HCFC2: variants seen among roughly 807,000 people sequenced by gnomAD.
HCFC2 encodes the protein host cell factor 2.
HCFC2 carries 18 observed loss-of-function variants against 89.2 expected under a neutral mutation model. That is an observed-to-expected ratio of 0.20 (90% CI 0.14 to 0.30). The LOEUF is 0.30. Among genes scored for constraint, HCFC2 ranks in the 10% least tolerant of loss-of-function variants. HCFC2 has a pLI of 1.00. For missense variants in HCFC2, 578 were observed against 956.1 expected (o/e 0.60, Z 5.21); for synonymous variants, 308 against 335.7 (o/e 0.92, Z 0.90).
chr12:104,081,528 T>G (rs1232189722), intron 5 of HCFC2, among the ~76,000 whole-genome samples: 1 of 152,066 alleles, frequency 6.6e-6, no homozygotes, highest in Non-Finnish European at 1.5e-5. Context: ...TTTAATGAAA[T>G]ATTTACTATT....
rs2030067890 is a variant in HCFC2, at chr12:104,105,627, A to G, written c.*2354A>G. 1 of 140,214 alleles carries G rather than the reference A, an allele frequency of 7.1e-6. No homozygotes were observed. Among genetic ancestry groups the G allele is most frequent in the African/African-American group, 2.7e-5 (1 of 37,734 alleles). The allele number at this position is 140,214 out of a possible 1,614,324, so 8.7% of individuals were successfully genotyped here. On this transcript the variant is annotated 3_prime_UTR_variant, in exon 15 of 15. Transcript: ENST00000229330. ...TGTACATTAAGCACCAGTCATATTT[A>G]TCTCTGTGATAAGGGATTGCTGACT... is the stretch of plus-strand genomic sequence containing the variant.
At chr12:104,069,604 G>A (rs112848844) in intron 3 of HCFC2, among the ~76,000 whole-genome samples, 8,726 of 149,636 alleles carry the variant, frequency 0.058, 316 homozygotes, top group Middle Eastern at 0.12. Flanking sequence ...TTACCATAAT[G>A]TCCTGCTGCT....
In HCFC2 at chr12:104,095,395, AGTT is replaced by A. The variant is rs752465096; in HGVS notation, c.1500_1502del (p.Cys501del). ...TTCAGCAAATGTAGGTGTTCTAAGT[AGTT>A]GCCTGGATGTAAGAACAGTAATTCC... On this transcript the variant is annotated inframe_deletion, in exon 11 of 15. Coordinates refer to ENST00000229330, the MANE Select transcript of HCFC2 (RefSeq NM_013320.3). This position sits in a 1 kb window ranked among gnomAD's most constrained non-coding sequence, Gnocchi z 4.2. The A allele has an allele frequency of 1.9e-6, 3 of 1,613,662 alleles. No individual in the cohort carries two copies. The highest frequency in any genetic ancestry group is 2.5e-6 in the Non-Finnish European group (3 of 1,179,680).
At chr12:104,065,080 C>G (rs1883040021) in intron 1 of HCFC2, 1 of 193,196 alleles carries the variant, frequency 5.2e-6, no homozygotes, top group Non-Finnish European at 1.0e-5. Context: ...AAACAAAACC[C>G]ACTCCAAACC....
intron 13 of HCFC2, 33 bp downstream of exon 13, chr12:104,098,513 T>G: frequency 6.4e-7 from 1 of 1,554,374 alleles, no homozygotes; most frequent in Non-Finnish European, 8.7e-7. Flanking sequence ...CATTGTAAAT[T>G]ATAAGCCTCA....
At position 104,068,561 on chromosome 12, in the gene HCFC2, G is replaced by A. The variant is rs1046741652; in HGVS notation, c.473+454G>A. On this transcript the variant is annotated intron_variant, in intron 3 of 14. Transcript: ENST00000229330. This position sits in a 1 kb window ranked among gnomAD's most constrained non-coding sequence, Gnocchi z 4.1. ...ATGTTTTATACAGGAAGCTATTAGAGTAGTTCACGCTAGCATATACTTTTA... is the reference window on the plus strand; with the variant it reads ...ATGTTTTATACAGGAAGCTATTAGAATAGTTCACGCTAGCATATACTTTTA... Among the ~76,000 whole-genome samples the A allele has an allele frequency of 1.3e-5, 2 of 152,196 alleles. No homozygotes were observed. Among genetic ancestry groups the A allele is most frequent in the Non-Finnish European group, 2.9e-5 (2 of 68,042 alleles).
At position 104,105,749 on chromosome 12, in the gene HCFC2, T is replaced by C. The variant is rs1016726375; in HGVS notation, c.*2476T>C. Reference sequence around the variant, plus strand: ...GATGAATAGAATGAATTGGAGCAAATAGCAAGAGAAGTGCATTTAGCTTCT... The same window carrying C: ...GATGAATAGAATGAATTGGAGCAAACAGCAAGAGAAGTGCATTTAGCTTCT... On this transcript the variant is annotated 3_prime_UTR_variant, in exon 15 of 15. Coordinates refer to ENST00000229330, the MANE Select transcript of HCFC2 (RefSeq NM_013320.3). 6.6e-6 allele frequency: 1 copy of C among 152,066 alleles called. No individual in the cohort carries two copies. The highest frequency in any genetic ancestry group is 1.5e-5 in the Non-Finnish European group (1 of 67,924). The allele number at this position is 152,066 out of a possible 1,614,324, so 9.4% of individuals were successfully genotyped here. A position where few individuals can be genotyped will look rare whatever the true frequency, so the allele number is the denominator to read the frequency against.
At chr12:104,084,086 G>A (rs1369561073) in intron 7 of HCFC2, among the ~76,000 whole-genome samples, 3 of 152,152 alleles carry the variant, frequency 2.0e-5, no homozygotes, top group South Asian at 2.1e-4. Flanking sequence ...ACCTCACATC[G>A]ATTTTGAATA....
Position 104,082,715 on chromosome 12 carries a change from A to G in HCFC2, c.877A>G (p.Thr293Ala). The G allele has an allele frequency of 6.2e-7, 1 of 1,605,618 alleles. No individual in the cohort carries two copies. The highest frequency in any genetic ancestry group is 2.2e-5 in the East Asian group (1 of 44,810). Residue 293 changes from threonine (T) to alanine (A), a missense_variant and splice_region_variant, in exon 7 of 15, where the codon ACA (threonine) becomes GCA (alanine). Around this residue, in one of 4 missense-constraint regions of HCFC2, gnomAD observed 206 missense variants for 419.2 expected, o/e 0.49. Transcript: ENST00000229330. ...TSSFSYLNLD[T>A]TEWTTLVSDS... is the part of the protein sequence containing the mutation. ...CATGGATATTTCTATCTTTTCAGAT[A>G]CAACAGAGTGGACCACCCTAGTATC...
In HCFC2 at chr12:104,095,884, C is replaced by G. The variant is rs73177977; in HGVS notation, c.1666+321C>G. On this transcript the variant is annotated intron_variant, in intron 11 of 14. Coordinates refer to ENST00000229330, the MANE Select transcript of HCFC2 (RefSeq NM_013320.3). The surrounding 1 kb of genome is among the most constrained non-coding windows in gnomAD (Gnocchi z 4.2). ...TTAAAATTATTTTATAAAATATTCT[C>G]TGCATAAAATATTTAGATTAGCACA... Among the ~76,000 whole-genome samples, 8,154 of 152,154 alleles carry G rather than the reference C, an allele frequency of 0.054. 335 individuals are homozygous for G. Among genetic ancestry groups the G allele is most frequent in the Admixed American group, 0.092 (1,412 of 15,270 alleles).
Position 104,083,044 on chromosome 12 carries a change from T to C in HCFC2, c.1063+143T>C, listed in dbSNP as rs147902115. On this transcript the variant is annotated intron_variant, in intron 7 of 14. Transcript: ENST00000229330. ...GAAGAAACAATATGTATAGTTATTCTCCACTCCTGAGAAGTATATAATTAT... is the reference window on the plus strand; with the variant it reads ...GAAGAAACAATATGTATAGTTATTCCCCACTCCTGAGAAGTATATAATTAT... The C allele has an allele frequency of 1.3e-3, 796 of 609,544 alleles. 4 individuals are homozygous for C. The African/African-American group carries it at 0.014, about 10-fold the overall frequency. The allele number at this position is 609,544 out of a possible 1,614,324, so 37.8% of individuals were successfully genotyped here. A position where few individuals can be genotyped will look rare whatever the true frequency, so the allele number is the denominator to read the frequency against.
Position 104,096,350 on chromosome 12 carries a change from TA to T in HCFC2, c.1667-8del. ...TGTAAATCTTATCTGATAAATTGTT[TA>T]ATTTTTAGTTGATGAAACATATGCA... On this transcript the variant is annotated splice_polypyrimidine_tract_variant and intron_variant, in intron 11 of 14. Coordinates refer to ENST00000229330, the MANE Select transcript of HCFC2 (RefSeq NM_013320.3). The T allele has an allele frequency of 6.3e-7, 1 of 1,576,742 alleles. No homozygotes were observed. Among genetic ancestry groups the T allele is most frequent in the Non-Finnish European group, 8.7e-7 (1 of 1,154,876 alleles).
At chr12:104,071,157 G>T (rs765341776) in intron 3 of HCFC2, among the ~76,000 whole-genome samples, 1 of 152,160 alleles carries the variant, frequency 6.6e-6, no homozygotes, top group Admixed American at 6.5e-5. Flanking sequence ...CCATTAAACA[G>T]ATTTTTAAAA....
At chr12:104,069,229 C>A (rs1011012805) in intron 3 of HCFC2, among the ~76,000 whole-genome samples, 1 of 152,078 alleles carries the variant, frequency 6.6e-6, no homozygotes, top group Admixed American at 6.6e-5. Flanking sequence ...TTTCTTGAGC[C>A]TGGGAGGTGG....
chr12:104,084,036 G>A lies in HCFC2; in HGVS notation c.1063+1135G>A, dbSNP rs114274986. Among the ~76,000 whole-genome samples, 760 of 152,222 alleles carry A rather than the reference G, an allele frequency of 5.0e-3. 3 individuals are homozygous for A. Among genetic ancestry groups the A allele is most frequent in the African/African-American group, 0.017 (714 of 41,550 alleles). ...GAGCAAGACCCCATCTCGAAAGGGGGAAAATAATTATTAAAGCACCAAAAT... is the reference window on the plus strand; with the variant it reads ...GAGCAAGACCCCATCTCGAAAGGGGAAAAATAATTATTAAAGCACCAAAAT... On this transcript the variant is annotated intron_variant, in intron 7 of 14. Coordinates refer to ENST00000229330, the MANE Select transcript of HCFC2 (RefSeq NM_013320.3).
intron 13 of HCFC2, 122 bp downstream of exon 13, chr12:104,098,602 A>T: frequency 1.0e-6 from 1 of 983,768 alleles, no homozygotes; most frequent in Non-Finnish European, 1.5e-6. Context: ...TAGAACCCTG[A>T]TTCAGGTCAC....
intron 10 of HCFC2, among the ~76,000 whole-genome samples, chr12:104,094,196 C>T (rs1374662759): frequency 6.6e-6 from 1 of 152,124 alleles, no homozygotes; most frequent in African/African-American, 2.4e-5. Context: ...TTCTAATGGG[C>T]AGTCGGATAC....
At chr12:104,077,853 A>G (rs1056189455) in intron 3 of HCFC2, among the ~76,000 whole-genome samples, 1 of 152,000 alleles carries the variant, frequency 6.6e-6, no homozygotes, top group African/African-American at 2.4e-5. Context: ...CCAGGTTATG[A>G]TAAATATTAA....
chr12:104,103,370 C>T lies in HCFC2; in HGVS notation c.*97C>T, dbSNP rs1156703336. 2.0e-6 allele frequency: 2 copies of T among 1,010,478 alleles called. No homozygotes were observed. The highest frequency in any genetic ancestry group is 2.9e-6 in the Non-Finnish European group (2 of 695,970). 62.6% of individuals were successfully genotyped at this position (1,010,478 alleles called of 1,614,324 possible). A position where few individuals can be genotyped will look rare whatever the true frequency, so the allele number is the denominator to read the frequency against. On this transcript the variant is annotated 3_prime_UTR_variant, in exon 15 of 15. Coordinates refer to ENST00000229330, the MANE Select transcript of HCFC2 (RefSeq NM_013320.3). ...AAAAGAGTATTCTCTGGCTGTATTTCCAGCAGTTATGAACTTGAGTTTGTA... is the reference window on the plus strand; with the variant it reads ...AAAAGAGTATTCTCTGGCTGTATTTTCAGCAGTTATGAACTTGAGTTTGTA...
Sources: allele counts gnomAD v4.1 joint callset (sites outside exome capture counted in the v4.1 genomes callset), GRCh38; gene constraint gnomAD v4.1.1; regional missense constraint gnomAD v4.1.1; non-coding constraint Gnocchi (gnomAD v3.1); transcripts MANE v1.5; gene names NCBI Gene and HGNC (gene_info 2026-07-23, HGNC 2026-07-21).